The following ETHE1 variants were observed in gnomAD, a reference collection of about 807,000 sequenced individuals.
ETHE1 encodes the protein persulfide dioxygenase ETHE1, mitochondrial.
A neutral mutation model predicts 25.7 loss-of-function variants in ETHE1; 16 were observed. The observed-to-expected ratio is 0.62, with a 90% CI of 0.42 to 0.95. ETHE1 has a LOEUF of 0.95. ETHE1 is among the 40% of genes least tolerant of loss of function. ETHE1 has a pLI of 0.00. For missense variants in ETHE1, 300 were observed against 333.6 expected, an observed-to-expected ratio of 0.90 and a Z score of 0.79; for synonymous variants, 139 against 135.9, an observed-to-expected ratio of 1.02 and a Z score of -0.16.
At chr19:43,508,967 C>G (rs765800135) in intron 4 of ETHE1, 103 bp from the exon 5 acceptor site, 1 of 882,636 alleles carries the variant, frequency 1.1e-6, no homozygotes, top group Non-Finnish European at 1.9e-6. Flanking sequence ...TAGCTAAACC[C>G]TCTCCTTCGT....
chr19:43,518,998 TG>T (rs1387970747), intron 3 of ETHE1, among the ~76,000 whole-genome samples: 10 of 117,548 alleles, frequency 8.5e-5, no homozygotes, highest in Admixed American at 3.4e-4. Flanking sequence ...AATTTGTGCT[TG>T]TTTTTTTTTT....
In ETHE1 at chr19:43,508,824, G is replaced by C. The variant is rs755115296; in HGVS notation, c.546C>G (p.Ile182Met). ...TCAGACAGTCTCCTGGAAGTGTGAA[G>C]ATCTTTTCATGGACCGAGTGGTACA... is the stretch of plus-strand genomic sequence containing the variant. ...KTLYHSVHEK[I>M]FTLPGDCLIY... is the part of the protein sequence containing the mutation. The change falls in exon 5 of 7, where the codon ATC (isoleucine) becomes ATG (methionine). Residue 182 changes from isoleucine (I) to methionine (M), a missense_variant. Coordinates refer to ENST00000292147, the MANE Select transcript of ETHE1 (RefSeq NM_014297.5). 1.2e-6 allele frequency: 2 copies of C among 1,609,114 alleles called. No individual in the cohort carries two copies. The highest frequency in any genetic ancestry group is 3.4e-5 in the Admixed American group (2 of 59,202).
chr19:43,509,474 G>C (rs1051865575), intron 4 of ETHE1, among the ~76,000 whole-genome samples: 1 of 146,754 alleles, frequency 6.8e-6, no homozygotes, highest in Non-Finnish European at 1.5e-5. Flanking sequence ...TCCAGCCTGG[G>C]AGATAGAGCG....
At chr19:43,511,594 A>T in intron 3 of ETHE1, 28 bp from the exon 4 acceptor site, 1 of 1,608,736 alleles carries the variant, frequency 6.2e-7, no homozygotes, top group East Asian at 2.2e-5. Flanking sequence ...GTACAGAGAT[A>T]GTCACCAAGA....
chr19:43,512,536 T>C (rs1971937698), intron 3 of ETHE1, among the ~76,000 whole-genome samples: 1 of 152,126 alleles, frequency 6.6e-6, no homozygotes, highest in South Asian at 2.1e-4. Flanking sequence ...TGACTTAGGG[T>C]ACCTAGTAGA....
intron 4 of ETHE1, among the ~76,000 whole-genome samples, chr19:43,509,987 G>C (rs1971877419): frequency 6.6e-6 from 1 of 152,122 alleles, no homozygotes; most frequent in South Asian, 2.1e-4. Context: ...GGGAGATTGG[G>C]AGCCTTGGAG....
chr19:43,527,043 T>C (rs1453795454), intron 1 of ETHE1, 54 bp downstream of exon 1: 1 of 1,542,242 alleles, frequency 6.5e-7, no homozygotes, highest in East Asian at 2.4e-5. Context: ...CGGAGTTCCG[T>C]CCTTGCTGCC....
chr19:43,527,002 T>TC (rs1363214300), intron 1 of ETHE1, 95 bp downstream of exon 1: 49 of 1,535,152 alleles, frequency 3.2e-5, no homozygotes, highest in Non-Finnish European at 4.2e-5. Context: ...CAGGCGTGGG[T>TC]CCCCCCGGAT....
intron 2 of ETHE1, 32 bp downstream of exon 2, chr19:43,526,483 C>T (rs374058205): frequency 6.2e-7 from 1 of 1,608,932 alleles, no homozygotes; most frequent in Non-Finnish European, 8.5e-7. Context: ...CCCAGCCCCG[C>T]TGGGATCCAT....
intron 3 of ETHE1, among the ~76,000 whole-genome samples, chr19:43,523,798 T>C (rs149783585): frequency 1.5e-3 from 225 of 151,782 alleles, no homozygotes; most frequent in African/African-American, 5.0e-3. Context: ...TAGCCAGACA[T>C]GGTGGCACAT....
In ETHE1 at chr19:43,521,257, G is replaced by A. The variant is rs145834437; in HGVS notation, c.375+4944C>T. On this transcript the variant is annotated intron_variant, in intron 3 of 6. Transcript: ENST00000292147. ...TGAGGCAGAAGGATCACCGAAAGGC[G>A]GAGGTTGCAGTGAGCCGAGACTGCG... Among the ~76,000 whole-genome samples the A allele has an allele frequency of 4.2e-3, 636 of 152,180 alleles. 2 individuals are homozygous for A. Among genetic ancestry groups the A allele is most frequent in the African/African-American group, 0.014 (575 of 41,514 alleles).
intron 3 of ETHE1, among the ~76,000 whole-genome samples, chr19:43,515,182 C>T (rs926038943): frequency 4.0e-5 from 6 of 151,874 alleles, no homozygotes; most frequent in Admixed American, 6.6e-5. Context: ...TTTGGGAGGC[C>T]GAGGCGGGCA....
At chr19:43,516,745 C>A (rs889015519) in intron 3 of ETHE1, among the ~76,000 whole-genome samples, 3 of 150,184 alleles carry the variant, frequency 2.0e-5, no homozygotes, top group African/African-American at 7.4e-5. Flanking sequence ...TGTGTCTCAG[C>A]CTTCTGAGTA....
chr19:43,512,497 G>A (rs1483972647), intron 3 of ETHE1, among the ~76,000 whole-genome samples: 1 of 152,182 alleles, frequency 6.6e-6, no homozygotes, highest in Non-Finnish European at 1.5e-5. Flanking sequence ...CTGCCCTAGA[G>A]ATCTGTGGAA....
At chr19:43,520,479 T>C (rs1431164276) in intron 3 of ETHE1, among the ~76,000 whole-genome samples, 1 of 151,576 alleles carries the variant, frequency 6.6e-6, no homozygotes, top group Non-Finnish European at 1.5e-5. Flanking sequence ...GGAGGGAGGA[T>C]TGCCTGAGCC....
At chr19:43,513,723 A>ATT (rs35743582) in intron 3 of ETHE1, among the ~76,000 whole-genome samples, 2,984 of 138,978 alleles carry the variant, frequency 0.021, 43 homozygotes, top group African/African-American at 0.031. Flanking sequence ...TTTGTTGTTG[A>ATT]TTTTTTTTTT....
chr19:43,511,432 G>A lies in ETHE1; in HGVS notation c.505+5C>T, dbSNP rs748284674. 5.6e-6 allele frequency: 9 copies of A among 1,614,158 alleles called. No individual in the cohort carries two copies. The highest frequency in any genetic ancestry group is 7.6e-6 in the Non-Finnish European group (9 of 1,180,016). Reference sequence around the variant, plus strand: ...GATCTTGGGCTGGATAAAGGAGCTGGTCACCTTGCTGGAAGTCTGTCCGCC... The same window carrying A: ...GATCTTGGGCTGGATAAAGGAGCTGATCACCTTGCTGGAAGTCTGTCCGCC... On this transcript the variant is annotated splice_donor_5th_base_variant and intron_variant, in intron 4 of 6. Transcript: ENST00000292147.
chr19:43,508,754 C>G (rs1414871889), intron 5 of ETHE1, 21 bp downstream of exon 5: 5 of 1,562,856 alleles, frequency 3.2e-6, no homozygotes, highest in Non-Finnish European at 4.4e-6. Flanking sequence ...ACGCCCCACA[C>G]CTCTTCCAGG....
intron 3 of ETHE1, among the ~76,000 whole-genome samples, chr19:43,515,593 T>G (rs1197150866): frequency 6.6e-6 from 1 of 152,096 alleles, no homozygotes; most frequent in African/African-American, 2.4e-5. Flanking sequence ...TGTTTTGTTT[T>G]GGACGGAGTC....
Sources: gnomAD v4.1 joint callset for allele counts (sites outside exome capture counted in the v4.1 genomes callset) on GRCh38, gnomAD v4.1.1 for gene constraint, MANE v1.5 for transcripts, NCBI Gene and HGNC (gene_info 2026-07-23, HGNC 2026-07-21) for gene names.